ARMH4: variants seen among roughly 807,000 people sequenced by gnomAD.
ARMH4 encodes the protein armadillo like helical domain containing 4, also known as armadillo-like helical domain-containing protein 4.
Under a neutral mutation model 61.9 loss-of-function variants are expected in ARMH4, and 49 were observed. The observed-to-expected ratio is 0.79, with a 90% CI of 0.63 to 1.00. The LOEUF (loss-of-function observed/expected upper bound fraction) is 1.00. ARMH4 is among the 50% of genes least tolerant of loss of function. ARMH4 has a pLI of 0.00. For synonymous variants in ARMH4, 368 were observed against 341.5 expected (o/e 1.08, Z -0.85); for missense variants, 934 against 930.0 (o/e 1.00, Z -0.06).
intron 5 of ARMH4, among the ~76,000 whole-genome samples, chr14:58,048,857 A>G (rs952799099): frequency 1.3e-5 from 2 of 152,202 alleles, no homozygotes; most frequent in African/African-American, 4.8e-5. Flanking sequence ...TAAACTCTTT[A>G]TTTCATAAAT....
In ARMH4 at chr14:58,005,101, T is replaced by C. The variant is rs892809802; in HGVS notation, c.2203A>G (p.Ile735Val). 2.0e-5 allele frequency: 33 copies of C among 1,613,972 alleles called. No individual in the cohort carries two copies. The highest frequency in any genetic ancestry group is 2.7e-5 in the Non-Finnish European group (32 of 1,179,972). The change falls in exon 7 of 8, where the codon ATT becomes GTT. Residue 735 changes from isoleucine (I) to valine (V), a missense_variant. Ile to Val is a conservative substitution (Grantham distance 29). Transcript: ENST00000267485. Reference sequence around the variant, plus strand: ...CTCCTTCGGCGATTCATAACCTTAATGCTGTAGAGGGCTCCCAAGATGAAC... The same window carrying C: ...CTCCTTCGGCGATTCATAACCTTAACGCTGTAGAGGGCTCCCAAGATGAAC... Reference protein sequence around the residue: ...ALFILGALYSIKVMNRRRRNG... With the variant: ...ALFILGALYSVKVMNRRRRNG...
intron 5 of ARMH4, among the ~76,000 whole-genome samples, chr14:58,072,738 C>T (rs537275303): frequency 6.6e-6 from 1 of 151,816 alleles, no homozygotes; most frequent in South Asian, 2.1e-4. Context: ...AAAAAGAATC[C>T]TTTTGGCCAG....
chr14:58,014,077 C>A (rs967398550), intron 5 of ARMH4, among the ~76,000 whole-genome samples: 2 of 151,892 alleles, frequency 1.3e-5, no homozygotes, highest in African/African-American at 4.8e-5. Flanking sequence ...GATTTTAAAA[C>A]CCAGGAGTAA....
At chr14:58,090,249 C>G (rs1184257465) in intron 5 of ARMH4, among the ~76,000 whole-genome samples, 1 of 152,184 alleles carries the variant, frequency 6.6e-6, no homozygotes, top group Admixed American at 6.5e-5. Flanking sequence ...ATGGTCTCTT[C>G]TTGAGATGGA....
intron 5 of ARMH4, among the ~76,000 whole-genome samples, chr14:58,040,044 G>A (rs1883632587): frequency 6.6e-6 from 1 of 152,046 alleles, no homozygotes; most frequent in South Asian, 2.1e-4. Context: ...CAACGAAAAG[G>A]AAATGTAAAT....
At chr14:58,133,729 T>C (rs1303037396) in intron 2 of ARMH4, among the ~76,000 whole-genome samples, 1 of 152,206 alleles carries the variant, frequency 6.6e-6, no homozygotes, top group Non-Finnish European at 1.5e-5. Flanking sequence ...AGTGTATTAA[T>C]TTTCACATTT....
At chr14:58,032,990 T>A (rs1244792263) in intron 5 of ARMH4, among the ~76,000 whole-genome samples, 1 of 139,208 alleles carries the variant, frequency 7.2e-6, no homozygotes, top group Admixed American at 7.1e-5. Context: ...CGCCCGCCAT[T>A]GCCCAGGCTT....
chr14:58,091,425 C>T lies in ARMH4; in HGVS notation c.2089+5299G>A, dbSNP rs545894984. On this transcript the variant is annotated intron_variant, in intron 5 of 7. Transcript: ENST00000267485. ...AACTGGGGTTCTGCATCAATAGACC[C>T]AGGAGCTTTATTTCTGGACTTCTTG... 4.6e-5 allele frequency among the ~76,000 whole-genome samples: 7 copies of T among 152,264 alleles called. No homozygotes were observed. In the East Asian group the frequency reaches 1.4e-3, roughly 29 times the overall value.
At chr14:58,054,869 C>CAAA (rs72336341) in intron 5 of ARMH4, among the ~76,000 whole-genome samples, 1,838 of 103,864 alleles carry the variant, frequency 0.018, 22 homozygotes, top group Middle Eastern at 0.023. Flanking sequence ...GACTCTGTCT[C>CAAA]AAAAAAAAAA....
chr14:58,125,929 C>G (rs548062647), intron 4 of ARMH4, among the ~76,000 whole-genome samples: 1 of 152,196 alleles, frequency 6.6e-6, no homozygotes, highest in East Asian at 1.9e-4. Flanking sequence ...AGCTCACACC[C>G]GACCAGTCAG....
At chr14:58,026,561 G>T (rs1285589237) in intron 5 of ARMH4, among the ~76,000 whole-genome samples, 1 of 152,074 alleles carries the variant, frequency 6.6e-6, no homozygotes, top group Non-Finnish European at 1.5e-5. Flanking sequence ...TTAACAGAAA[G>T]TTTACTGCTT....
In ARMH4 at chr14:58,055,307, A is replaced by T. The variant is rs113155389; in HGVS notation, c.2089+41417T>A. Among the ~76,000 whole-genome samples the T allele has an allele frequency of 6.4e-3, 981 of 152,306 alleles. 15 individuals are homozygous for T. The highest frequency in any genetic ancestry group is 0.022 in the African/African-American group (900 of 41,572). Reference sequence around the variant, plus strand: ...GTCCCAGGACAGATAGCTGTATATAACCTCTACTCACCACGTGGAATGAAA... The same window carrying T: ...GTCCCAGGACAGATAGCTGTATATATCCTCTACTCACCACGTGGAATGAAA... On this transcript the variant is annotated intron_variant, in intron 5 of 7. Coordinates refer to ENST00000267485, the MANE Select transcript of ARMH4 (RefSeq NM_001001872.4).
chr14:58,012,655 T>C (rs1338760866), intron 5 of ARMH4, among the ~76,000 whole-genome samples: 1 of 152,164 alleles, frequency 6.6e-6, no homozygotes, highest in African/African-American at 2.4e-5. Context: ...GAAGCAAGGA[T>C]TGGATGAAAG....
At chr14:58,117,934 A>G (rs1252645838) in intron 4 of ARMH4, among the ~76,000 whole-genome samples, 1 of 151,798 alleles carries the variant, frequency 6.6e-6, no homozygotes, top group South Asian at 2.1e-4. Context: ...AATTAAAAAA[A>G]AAAAAAATTT....
At chr14:58,105,002 C>G (rs912047268) in intron 4 of ARMH4, among the ~76,000 whole-genome samples, 1 of 152,340 alleles carries the variant, frequency 6.6e-6, no homozygotes, top group Middle Eastern at 3.4e-3. Flanking sequence ...AACCAGAGTT[C>G]ATCTTCTATT....
intron 4 of ARMH4, among the ~76,000 whole-genome samples, chr14:58,130,007 C>T (rs1473752276): frequency 6.6e-6 from 1 of 152,160 alleles, no homozygotes; most frequent in Non-Finnish European, 1.5e-5. Context: ...ATACAACTGC[C>T]ATCATCTACT....
intron 1 of ARMH4, among the ~76,000 whole-genome samples, chr14:58,140,928 G>A (rs1424435492): frequency 6.6e-6 from 1 of 151,964 alleles, no homozygotes; most frequent in Non-Finnish European, 1.5e-5. Flanking sequence ...AGACCCCCAA[G>A]AGCTCCCTGG....
At chr14:58,017,245 T>C (rs970836974) in intron 5 of ARMH4, among the ~76,000 whole-genome samples, 2 of 151,818 alleles carry the variant, frequency 1.3e-5, no homozygotes, top group South Asian at 2.1e-4. Context: ...GCCCAGGAGG[T>C]TGAGGCTGCG....
At chr14:58,029,860 C>T (rs890759172) in intron 5 of ARMH4, among the ~76,000 whole-genome samples, 1 of 152,104 alleles carries the variant, frequency 6.6e-6, no homozygotes, top group Non-Finnish European at 1.5e-5. Flanking sequence ...TAGGTATATA[C>T]TCACAAGAAC....
Sources: gnomAD v4.1 joint callset for allele counts (sites outside exome capture counted in the v4.1 genomes callset) on GRCh38, gnomAD v4.1.1 for gene constraint, MANE v1.5 for transcripts, NCBI Gene and HGNC (gene_info 2026-07-23, HGNC 2026-07-21) for gene names.